DEFB118: variants seen among roughly 807,000 people sequenced by gnomAD.
The protein encoded by DEFB118 is defensin beta 118.
A neutral mutation model predicts 2.8 loss-of-function variants in DEFB118; 3 were observed. That is an observed-to-expected ratio of 1.09 (90% CI 0.50 to 2.82). The LOEUF (loss-of-function observed/expected upper bound fraction) is 2.82, where lower values mean the gene tolerates loss of function less well. Among genes scored for constraint, DEFB118 ranks in the 30% most tolerant of loss-of-function variants. DEFB118 has a pLI of 0.04. For missense variants in DEFB118, 159 were observed against 144.6 expected, an observed-to-expected ratio of 1.10 and a Z score of -0.51; for synonymous variants, 63 against 53.5, an observed-to-expected ratio of 1.18 and a Z score of -0.78.
chr20:31,368,749 T>C, intron 1 of DEFB118, 41 bp downstream of exon 1: 1 of 1,591,792 alleles, frequency 6.3e-7, no homozygotes, highest in South Asian at 1.1e-5. Flanking sequence ...AGAGGTATAG[T>C]GGGTTCTGGC....
In DEFB118 at chr20:31,373,420, G is replaced by A. The variant is rs1986250916; in HGVS notation, c.*250G>A. ...TATTTTTAGTATTTCTTGTTTGCTA[G>A]TGACCTATGCACAACTTCAATAGCT... On this transcript the variant is annotated 3_prime_UTR_variant, in exon 2 of 2. Transcript: ENST00000253381. The A allele has an allele frequency of 2.0e-6, 1 of 507,276 alleles. No homozygotes were observed. The highest frequency in any genetic ancestry group is 3.0e-5 in the South Asian group (1 of 33,884). The allele number at this position is 507,276 out of a possible 1,614,324, so 31.4% of individuals were successfully genotyped here. A position where few individuals can be genotyped will look rare whatever the true frequency, so the allele number is the denominator to read the frequency against.
chr20:31,373,055 C>T lies in DEFB118; in HGVS notation c.257C>T (p.Thr86Ile). The change falls in exon 2 of 2, where the codon ACA becomes ATA. Residue 86 changes from threonine (T) to isoleucine (I), a missense_variant. Thr to Ile is a moderately conservative substitution (Grantham distance 89). Transcript: ENST00000253381. ...STPGIIDDIL[T>I]VRFTTDYFEV... Reference sequence around the variant, plus strand: ...CCAGGAATTATTGATGATATTTTAACAGTAAGGTTCACGACAGACTACTTT... The same window carrying T: ...CCAGGAATTATTGATGATATTTTAATAGTAAGGTTCACGACAGACTACTTT... 2 of 1,614,186 alleles carry T rather than the reference C, an allele frequency of 1.2e-6. No homozygotes were observed. Among genetic ancestry groups the T allele is most frequent in the Non-Finnish European group, 1.7e-6 (2 of 1,180,028 alleles).
At position 31,369,540 on chromosome 20, in the gene DEFB118, C is replaced by T. The variant is rs112868383; in HGVS notation, c.58+832C>T. Reference sequence around the variant, plus strand: ...AAGCAGCTGGGATTACAGGCATGCACCATCATGTCCGACTAATTTTTGTAT... The same window carrying T: ...AAGCAGCTGGGATTACAGGCATGCATCATCATGTCCGACTAATTTTTGTAT... On this transcript the variant is annotated intron_variant, in intron 1 of 1. Transcript: ENST00000253381. Among the ~76,000 whole-genome samples, 8 of 152,072 alleles carry T rather than the reference C, an allele frequency of 5.3e-5. No homozygotes were observed. The South Asian group carries it at 1.7e-3, about 32-fold the overall frequency.
Position 31,372,910 on chromosome 20 carries a change from T to C in DEFB118, c.112T>C (p.Cys38Arg), listed in dbSNP as rs1007448003. 8 of 1,613,978 alleles carry C rather than the reference T, an allele frequency of 5.0e-6. No homozygotes were observed. Among genetic ancestry groups the C allele is most frequent in the South Asian group, 3.3e-5 (3 of 91,084 alleles). The change falls in exon 2 of 2, where the codon TGC becomes CGC. Residue 38 changes from cysteine to arginine, a missense_variant. Transcript: ENST00000253381. ...CAGATCAGGGCACTGCAGGAAACAA[T>C]GCAAAGATGGAGAAGCAGTGAAAGA... is the stretch of plus-strand genomic sequence containing the variant. ...WNRSGHCRKQ[C>R]KDGEAVKDTC...
chr20:31,373,582 CT>C lies in DEFB118; in HGVS notation c.*419del, dbSNP rs969073625. ...AGAGTAGCTACTATGACACTAAAAGCTTTTTTTCTAGAACAGGAGACACTTC... is the reference window on the plus strand; with the variant it reads ...AGAGTAGCTACTATGACACTAAAAGCTTTTTTCTAGAACAGGAGACACTTC... On this transcript the variant is annotated 3_prime_UTR_variant, in exon 2 of 2. Transcript: ENST00000253381. 47 of 174,268 alleles carry C rather than the reference CT, an allele frequency of 2.7e-4. No individual in the cohort carries two copies. Among genetic ancestry groups the C allele is most frequent in the African/African-American group, 1.1e-3 (45 of 42,038 alleles). 10.8% of individuals were successfully genotyped at this position (174,268 alleles called of 1,614,324 possible). A position where few individuals can be genotyped will look rare whatever the true frequency, so the allele number is the denominator to read the frequency against.
At chr20:31,371,468 TC>T (rs1423419745) in intron 1 of DEFB118, among the ~76,000 whole-genome samples, 2 of 151,738 alleles carry the variant, frequency 1.3e-5, no homozygotes, top group Non-Finnish European at 2.9e-5. Flanking sequence ...CTACTTTTTT[TC>T]TTTTTCTTTT....
intron 1 of DEFB118, among the ~76,000 whole-genome samples, chr20:31,370,842 G>A (rs967069868): frequency 6.6e-6 from 1 of 152,018 alleles, no homozygotes; most frequent in African/African-American, 2.4e-5. Context: ...CCTCTGCCTC[G>A]GGGGTTCAAG....
chr20:31,372,203 G>C (rs750702207), intron 1 of DEFB118, among the ~76,000 whole-genome samples: 1 of 152,184 alleles, frequency 6.6e-6, no homozygotes, highest in African/African-American at 2.4e-5. Flanking sequence ...CTTTGCAGTA[G>C]AATGGGATAT....
chr20:31,369,211 T>A (rs1986169941), intron 1 of DEFB118, among the ~76,000 whole-genome samples: 2 of 152,154 alleles, frequency 1.3e-5, no homozygotes, highest in Non-Finnish European at 2.9e-5. Context: ...TTCTTAAGTA[T>A]ATCTAAAGGC....
chr20:31,369,210 A>G (rs910128111), intron 1 of DEFB118, among the ~76,000 whole-genome samples: 25 of 152,132 alleles, frequency 1.6e-4, no homozygotes, highest in African/African-American at 6.0e-4. Context: ...TTTCTTAAGT[A>G]TATCTAAAGG....
At chr20:31,370,969 T>C (rs1986201504) in intron 1 of DEFB118, among the ~76,000 whole-genome samples, 1 of 152,138 alleles carries the variant, frequency 6.6e-6, no homozygotes, top group African/African-American at 2.4e-5. Context: ...CAGGCTAGTT[T>C]CAAACTCCGG....
chr20:31,370,572 T>C (rs1357085525), intron 1 of DEFB118, among the ~76,000 whole-genome samples: 1 of 152,166 alleles, frequency 6.6e-6, no homozygotes, highest in Non-Finnish European at 1.5e-5. Flanking sequence ...GTCTTGATGC[T>C]TTATCTTAAA....
Position 31,373,123 on chromosome 20 carries a change from G to T in DEFB118, c.325G>T (p.Gly109Ter). Reference sequence around the variant, plus strand: ...AGATATGGTTGAAGAGTCTGAGGCGGGAAGGGGAACTGAGACCTCTCTTCC... The same window carrying T: ...AGATATGGTTGAAGAGTCTGAGGCGTGAAGGGGAACTGAGACCTCTCTTCC... The part of the protein sequence containing the change: ...KKDMVEESEA[G>*]RGTETSLPNV... The change falls in exon 2 of 2, where the codon GGA (glycine) becomes TGA (stop). Residue 109 changes from glycine (G) to a stop codon, truncating the protein, a stop_gained. Coordinates refer to ENST00000253381, the MANE Select transcript of DEFB118 (RefSeq NM_054112.3). LOFTEE classifies it low-confidence loss of function (END_TRUNC). The T allele has an allele frequency of 1.2e-6, 2 of 1,614,068 alleles. No homozygotes were observed. The highest frequency in any genetic ancestry group is 1.7e-6 in the Non-Finnish European group (2 of 1,180,026).
In DEFB118 at chr20:31,373,076, A is replaced by G. The variant is rs374338314; in HGVS notation, c.278A>G (p.Tyr93Cys). 1.2e-6 allele frequency: 2 copies of G among 1,614,076 alleles called. No homozygotes were observed. Among genetic ancestry groups the G allele is most frequent in the African/African-American group, 2.7e-5 (2 of 74,934 alleles). ...DILTVRFTTD[Y>C]FEVSSKKDMV... ...TTAACAGTAAGGTTCACGACAGACT[A>G]CTTTGAAGTAAGCAGCAAGAAAGAT... The change falls in exon 2 of 2, where the codon TAC becomes TGC. Residue 93 changes from tyrosine (Y) to cysteine (C), a missense_variant. Coordinates refer to ENST00000253381, the MANE Select transcript of DEFB118 (RefSeq NM_054112.3).
Position 31,372,985 on chromosome 20 carries a change from A to G in DEFB118, c.187A>G (p.Arg63Gly), listed in dbSNP as rs1433312155. 1.2e-6 allele frequency: 2 copies of G among 1,614,238 alleles called. No individual in the cohort carries two copies. The highest frequency in any genetic ancestry group is 1.7e-6 in the Non-Finnish European group (2 of 1,180,038). ...CTGCATTCCATCCAATGAAGACCAC[A>G]GGCGAGTTCCTGCGACATCTCCCAC... ...ACCIPSNEDH[R>G]RVPATSPTPL... Residue 63 changes from arginine (R) to glycine (G), a missense_variant, in exon 2 of 2, where the codon AGG (arginine) becomes GGG (glycine). By Grantham distance (125) the Arg-to-Gly change is moderately radical. Coordinates refer to ENST00000253381, the MANE Select transcript of DEFB118 (RefSeq NM_054112.3).
At chr20:31,370,897 C>G (rs11907105) in intron 1 of DEFB118, among the ~76,000 whole-genome samples, 5,110 of 152,144 alleles carry the variant, frequency 0.034, 294 homozygotes, top group African/African-American at 0.12. Flanking sequence ...ATTACAGGCA[C>G]GCACAACCAA....
rs1986252605 is a variant in DEFB118 at position 31,373,558 on chromosome 20, G to A, written c.*388G>A. 5.2e-6 allele frequency: 1 copy of A among 193,524 alleles called. No individual in the cohort carries two copies. Among genetic ancestry groups the A allele is most frequent in the African/African-American group, 2.3e-5 (1 of 42,778 alleles). The allele number at this position is 193,524 out of a possible 1,614,324, so 12.0% of individuals were successfully genotyped here. ...AAATTCTAAATCTTTGCATCTGTGA[G>A]AGTAGCTACTATGACACTAAAAGCT... On this transcript the variant is annotated 3_prime_UTR_variant, in exon 2 of 2. Coordinates refer to ENST00000253381, the MANE Select transcript of DEFB118 (RefSeq NM_054112.3).
intron 1 of DEFB118, 98 bp from the exon 2 acceptor site, chr20:31,372,759 T>A (rs1986233100): frequency 1.1e-6 from 1 of 916,040 alleles, no homozygotes; most frequent in African/African-American, 1.7e-5. Context: ...CTAATTATGA[T>A]CCACAGTGTG....
intron 1 of DEFB118, among the ~76,000 whole-genome samples, chr20:31,370,369 G>A (rs539569900): frequency 7.2e-5 from 11 of 152,332 alleles, no homozygotes; most frequent in African/African-American, 2.6e-4. Context: ...TTGAGTGCTA[G>A]TGGAGATATT....
Sources: allele counts gnomAD v4.1 joint callset (sites outside exome capture counted in the v4.1 genomes callset), GRCh38; gene constraint gnomAD v4.1.1; transcripts MANE v1.5; gene names NCBI Gene and HGNC (gene_info 2026-07-23, HGNC 2026-07-21).